Variants in NRBF2 observed in about 807,000 individuals in gnomAD.
NRBF2 encodes nuclear receptor-binding factor 2.
Under a neutral mutation model 28.5 loss-of-function variants are expected in NRBF2, and 12 were observed. The ratio of observed to expected loss-of-function variants is 0.42; its 90% CI spans 0.27 to 0.68. NRBF2 has a LOEUF of 0.68. Among genes scored for constraint, NRBF2 ranks in the 30% least tolerant of loss-of-function variants. The pLI is 0.24. For synonymous variants in NRBF2, 102 were observed against 116.5 expected, an observed-to-expected ratio of 0.88 and a Z score of 0.80; for missense variants, 274 against 333.5, an observed-to-expected ratio of 0.82 and a Z score of 1.39.
chr10:63,141,305 G>A (rs1459839482), intron 1 of NRBF2, among the ~76,000 whole-genome samples: 5 of 152,062 alleles, frequency 3.3e-5, no homozygotes, highest in African/African-American at 4.8e-5. Context: ...ATGTGGTGCC[G>A]TGTGACTGTA....
At chr10:63,134,630 T>C (rs912898744) in intron 1 of NRBF2, among the ~76,000 whole-genome samples, 3 of 152,184 alleles carry the variant, frequency 2.0e-5, no homozygotes, top group Non-Finnish European at 2.9e-5. Context: ...AAGGAGTAAA[T>C]AGGTGTAAAG....
At chr10:63,144,207 C>T (rs914941181) in intron 1 of NRBF2, among the ~76,000 whole-genome samples, 5 of 152,140 alleles carry the variant, frequency 3.3e-5, no homozygotes, top group Admixed American at 1.3e-4. Flanking sequence ...TGAAACTATG[C>T]CGTTTGAATA....
At chr10:63,152,800 C>G (rs1352518135) in intron 3 of NRBF2, among the ~76,000 whole-genome samples, 1 of 152,134 alleles carries the variant, frequency 6.6e-6, no homozygotes, top group African/African-American at 2.4e-5. Flanking sequence ...AGTTCGAGAC[C>G]AGCCTTGGCA....
At chr10:63,142,828 T>TAG (rs1841497979) in intron 1 of NRBF2, among the ~76,000 whole-genome samples, 1 of 123,520 alleles carries the variant, frequency 8.1e-6, no homozygotes, top group African/African-American at 2.9e-5. Flanking sequence ...TTGCCCAGGC[T>TAG]AGAGTGCAGT....
At chr10:63,136,370 C>T (rs1034451585) in intron 1 of NRBF2, among the ~76,000 whole-genome samples, 48 of 152,084 alleles carry the variant, frequency 3.2e-4, no homozygotes, top group African/African-American at 1.2e-3. Context: ...TGAGAGTTCT[C>T]AATGCTATAA....
chr10:63,136,056 A>G (rs192194439), intron 1 of NRBF2, among the ~76,000 whole-genome samples: 43 of 152,160 alleles, frequency 2.8e-4, no homozygotes, highest in African/African-American at 9.4e-4. Context: ...ATGAGTACCA[A>G]TTACAGGCCT....
At chr10:63,137,339 C>T (rs190689150) in intron 1 of NRBF2, among the ~76,000 whole-genome samples, 12 of 152,308 alleles carry the variant, frequency 7.9e-5, no homozygotes, top group Admixed American at 2.0e-4. Context: ...TATTTCTTTC[C>T]GTACACATTT....
intron 1 of NRBF2, among the ~76,000 whole-genome samples, chr10:63,144,637 C>T (rs1056191436): frequency 3.9e-5 from 6 of 151,968 alleles, no homozygotes; most frequent in African/African-American, 1.4e-4. Context: ...AAGATGGTCT[C>T]GATCTCCTGA....
intron 2 of NRBF2, among the ~76,000 whole-genome samples, chr10:63,147,623 T>TG (rs1445362460): frequency 6.6e-6 from 1 of 151,598 alleles, no homozygotes; most frequent in African/African-American, 2.4e-5. Flanking sequence ...TTTTTTTTTT[T>TG]TTTTTTAAGT....
intron 2 of NRBF2, among the ~76,000 whole-genome samples, chr10:63,150,116 A>AT (rs370720058): frequency 0.032 from 4,331 of 135,558 alleles, 61 homozygotes; most frequent in East Asian, 0.066. Flanking sequence ...TAATTTTTGT[A>AT]TTTTTTTTTT....
intron 2 of NRBF2, chr10:63,150,393 C>G: frequency 1.0e-6 from 1 of 973,244 alleles, no homozygotes; most frequent in Non-Finnish European, 1.2e-6. Flanking sequence ...ATAACCAACT[C>G]TGTTTTTTCT....
intron 1 of NRBF2, among the ~76,000 whole-genome samples, chr10:63,144,607 G>A (rs1211061845): frequency 2.6e-5 from 4 of 151,892 alleles, no homozygotes; most frequent in Non-Finnish European, 4.4e-5. Context: ...TAGTAGAGAC[G>A]GGGTTTCACC....
At chr10:63,134,464 C>CT (rs760390684) in intron 1 of NRBF2, among the ~76,000 whole-genome samples, 3 of 152,200 alleles carry the variant, frequency 2.0e-5, no homozygotes, top group Non-Finnish European at 4.4e-5. Context: ...CATTAGAACT[C>CT]TGAGTCCTAG....
chr10:63,142,776 C>CTTTTTTTTTTTTTTTT (rs1202067005), intron 1 of NRBF2, among the ~76,000 whole-genome samples: 3 of 26,498 alleles, frequency 1.1e-4, no homozygotes, highest in African/African-American at 4.1e-4. Flanking sequence ...TTCTTTCTTT[C>CTTTTTTTTTTTTTTTT]TTTCTTTTTT....
At chr10:63,144,681 G>A (rs1189846899) in intron 1 of NRBF2, among the ~76,000 whole-genome samples, 1 of 152,166 alleles carries the variant, frequency 6.6e-6, no homozygotes, top group Non-Finnish European at 1.5e-5. Flanking sequence ...CTCCAAAAGT[G>A]CTAGGATTAC....
intron 2 of NRBF2, among the ~76,000 whole-genome samples, chr10:63,148,004 A>G (rs974164391): frequency 3.3e-5 from 5 of 152,182 alleles, no homozygotes; most frequent in African/African-American, 1.2e-4. Flanking sequence ...ATGTTTAACT[A>G]TTTAAGAAAA....
At chr10:63,141,688 G>A (rs909216429) in intron 1 of NRBF2, among the ~76,000 whole-genome samples, 1 of 152,168 alleles carries the variant, frequency 6.6e-6, no homozygotes, top group African/African-American at 2.4e-5. Context: ...TTTCATTTTA[G>A]AGATGAGAAA....
chr10:63,152,184 A>G lies in NRBF2; in HGVS notation c.150A>G (p.Ser50=), dbSNP rs780787485. ...YLSEAMKLTQ[S]EQAHLSLELQ... ...CTGAAGCCATGAAGCTGACACAGTCAGAGCAGGTGAGACATATTCCCAATA... is the reference window on the plus strand; with the variant it reads ...CTGAAGCCATGAAGCTGACACAGTCGGAGCAGGTGAGACATATTCCCAATA... The change falls in exon 3 of 4, where the codon TCA becomes TCG. Residue 50 remains serine, a synonymous_variant. Coordinates refer to ENST00000277746, the MANE Select transcript of NRBF2 (RefSeq NM_030759.5). 3 of 1,613,392 alleles carry G rather than the reference A, an allele frequency of 1.9e-6. No homozygotes were observed. The highest frequency in any genetic ancestry group is 2.2e-5 in the East Asian group (1 of 44,870).
In NRBF2 at chr10:63,153,036, T is replaced by C. The variant is rs535397745; in HGVS notation, c.157-475T>C. On this transcript the variant is annotated intron_variant, in intron 3 of 3. Coordinates refer to ENST00000277746, the MANE Select transcript of NRBF2 (RefSeq NM_030759.5). ...ATATCTTTTTAAAAACTTTTTGTTA[T>C]AAAAGTATTAGTTAAAGAGATCATT... 2.9e-3 allele frequency among the ~76,000 whole-genome samples: 440 copies of C among 152,286 alleles called. 1 individual carries two copies. The highest frequency in any genetic ancestry group is 4.9e-3 in the Non-Finnish European group (335 of 68,022).
Sources: gnomAD v4.1 joint callset for allele counts (sites outside exome capture counted in the v4.1 genomes callset) on GRCh38, gnomAD v4.1.1 for gene constraint, MANE v1.5 for transcripts, NCBI Gene and HGNC (gene_info 2026-07-23, HGNC 2026-07-21) for gene names.